The following BRIP1 variants were observed in gnomAD, a reference collection of about 807,000 sequenced individuals.
The protein encoded by BRIP1 is BRCA1 interacting DNA helicase 1, also known as Fanconi anemia group J protein.
A neutral mutation model predicts 119.7 loss-of-function variants in BRIP1; 88 were observed. The ratio of observed to expected loss-of-function variants is 0.74; its 90% CI spans 0.62 to 0.88. The LOEUF is 0.88. Ranked by LOEUF, BRIP1 falls within the 40% of genes least tolerant of loss-of-function variation. BRIP1 has a pLI of 0.00. For missense variants in BRIP1, 1,259 were observed against 1,455.4 expected (o/e 0.87, Z 2.20); for synonymous variants, 443 against 496.5 (o/e 0.89, Z 1.43).
rs2076822747 is a variant in BRIP1 at position 61,729,983 on chromosome 17, T to C, written c.2379+13030A>G. Among the ~76,000 whole-genome samples the C allele has an allele frequency of 6.6e-6, 1 of 152,196 alleles. No homozygotes were observed. The highest frequency in any genetic ancestry group is 2.1e-4 in the South Asian group (1 of 4,820). ...AGAATTACCCAGTCCAAAATGTCAATAGTGCCAAGTTTGAGAAACACAGCT... is the reference window on the plus strand; with the variant it reads ...AGAATTACCCAGTCCAAAATGTCAACAGTGCCAAGTTTGAGAAACACAGCT... On this transcript the variant is annotated intron_variant, in intron 16 of 19. Coordinates refer to ENST00000259008, the MANE Select transcript of BRIP1 (RefSeq NM_032043.3). This position sits in a 1 kb window ranked among gnomAD's most constrained non-coding sequence, Gnocchi z 5.6.
rs45459799 is a variant in BRIP1 at position 61,808,706 on chromosome 17, G to C, written c.679C>G (p.Gln227Glu). The change falls in exon 7 of 20, where the codon CAA becomes GAA. Residue 227 changes from glutamine (Q) to glutamate (E), a missense_variant. Physicochemically the swap from Gln to Glu is conservative, Grantham distance 29 (BLOSUM62 2). This residue lies in a region of BRIP1 where 501 missense variants were observed against 544.0 expected (regional missense o/e 0.92). Transcript: ENST00000259008. This position sits in a 1 kb window ranked among gnomAD's most constrained non-coding sequence, Gnocchi z 4.1. ...CCCSTKQGNSQESSNTIKKDH... is the reference protein window; with the variant it reads ...CCCSTKQGNSEESSNTIKKDH... ...TTCTTAATGGTATTCGATGACTCTT[G>C]ACTGTTTCCTTGTTTAGTAGAACAA... 4.9e-5 allele frequency: 79 copies of C among 1,613,734 alleles called. No individual in the cohort carries two copies. The highest frequency in any genetic ancestry group is 6.2e-5 in the Non-Finnish European group (73 of 1,179,920).
Position 61,729,143 on chromosome 17 carries a change from G to A in BRIP1, c.2380-13080C>T, listed in dbSNP as rs992998752. Among the ~76,000 whole-genome samples the A allele has an allele frequency of 6.6e-6, 1 of 151,954 alleles. No individual in the cohort carries two copies. The highest frequency in any genetic ancestry group is 2.4e-5 in the African/African-American group (1 of 41,350). On this transcript the variant is annotated intron_variant, in intron 16 of 19. Coordinates refer to ENST00000259008, the MANE Select transcript of BRIP1 (RefSeq NM_032043.3). The surrounding 1 kb of genome is among the most constrained non-coding windows in gnomAD (Gnocchi z 5.6). ...TAAAAATACAAATTAGCTGGGCGTG[G>A]TGGCGCATGCCTGTAATCCCAGCTA...
chr17:61,711,607 G>C (rs186882198), intron 17 of BRIP1, among the ~76,000 whole-genome samples: 2 of 152,060 alleles, frequency 1.3e-5, no homozygotes, highest in Non-Finnish European at 2.9e-5. Context: ...GGTGGCTCAC[G>C]CCTGTAATCT....
Position 61,683,543 on chromosome 17 carries a change from T to G in BRIP1, c.3503A>C (p.Lys1168Thr), listed in dbSNP as rs749589266. 1.9e-6 allele frequency: 3 copies of G among 1,613,320 alleles called. No homozygotes were observed. The highest frequency in any genetic ancestry group is 1.3e-5 in the African/African-American group (1 of 75,056). The change falls in exon 20 of 20, where the codon AAA (lysine) becomes ACA (threonine). Residue 1168 changes from lysine to threonine, a missense_variant. By Grantham distance (78) the Lys-to-Thr change is moderately conservative (BLOSUM62 -1). Around this residue, in one of 3 missense-constraint regions of BRIP1, gnomAD observed 753 missense variants for 891.8 expected, o/e 0.84. Coordinates refer to ENST00000259008, the MANE Select transcript of BRIP1 (RefSeq NM_032043.3). This position sits in a 1 kb window ranked among gnomAD's most constrained non-coding sequence, Gnocchi z 4.7. Reference sequence around the variant, plus strand: ...TATAGTTCTAATTTCAAAAAGGTCTTTAGCTAAAATGCAATCTGAATTGTT... The same window carrying G: ...TATAGTTCTAATTTCAAAAAGGTCTGTAGCTAAAATGCAATCTGAATTGTT... ...LANNSDCILA[K>T]DLFEIRTIKE...
rs1452426570 is a variant in BRIP1, at chr17:61,742,601, A to G, written c.2379+412T>C. On this transcript the variant is annotated intron_variant, in intron 16 of 19. Coordinates refer to ENST00000259008, the MANE Select transcript of BRIP1 (RefSeq NM_032043.3). The surrounding 1 kb of genome is among the most constrained non-coding windows in gnomAD (Gnocchi z 4.7). ...TATTGTTGTGTCTCAGGGAATGGAGAGTCCCAAGGAGAGAGAAATGGGGGA... is the reference window on the plus strand; with the variant it reads ...TATTGTTGTGTCTCAGGGAATGGAGGGTCCCAAGGAGAGAGAAATGGGGGA... 1.3e-5 allele frequency among the ~76,000 whole-genome samples: 2 copies of G among 152,160 alleles called. No homozygotes were observed. The highest frequency in any genetic ancestry group is 4.8e-5 in the African/African-American group (2 of 41,438).
In BRIP1 at chr17:61,739,262, A is replaced by G. The variant is rs2076957340; in HGVS notation, c.2379+3751T>C. 5.0e-6 allele frequency: 1 copy of G among 198,764 alleles called. No individual in the cohort carries two copies. Among genetic ancestry groups the G allele is most frequent in the Non-Finnish European group, 1.0e-5 (1 of 96,038 alleles). The allele number at this position is 198,764 out of a possible 1,614,324, so 12.3% of individuals were successfully genotyped here. ...GCACTCTACTTCAGTGGAATGCAGC[A>G]CCAATGCTGTTGATGGTGACAGTAG... is the stretch of plus-strand genomic sequence containing the variant. On this transcript the variant is annotated intron_variant, in intron 16 of 19. Coordinates refer to ENST00000259008, the MANE Select transcript of BRIP1 (RefSeq NM_032043.3). The surrounding 1 kb of genome is among the most constrained non-coding windows in gnomAD (Gnocchi z 6.0).
intron 6 of BRIP1, among the ~76,000 whole-genome samples, chr17:61,836,821 T>C (rs1219882031): frequency 6.6e-6 from 1 of 152,160 alleles, no homozygotes; most frequent in Non-Finnish European, 1.5e-5. Flanking sequence ...TGGTAATGCA[T>C]ATAATATGAC....
At chr17:61,839,803 A>C (rs974651048) in intron 6 of BRIP1, among the ~76,000 whole-genome samples, 9 of 152,230 alleles carry the variant, frequency 5.9e-5, no homozygotes, top group Non-Finnish European at 1.2e-4. Flanking sequence ...AAAGCCAAGG[A>C]AGAAAATATG....
At chr17:61,771,143 C>A (rs1298671514) in intron 14 of BRIP1, among the ~76,000 whole-genome samples, 1 of 152,134 alleles carries the variant, frequency 6.6e-6, no homozygotes, top group Non-Finnish European at 1.5e-5. Context: ...GGAAACATTA[C>A]ACTATGTGAA....
Position 61,755,976 on chromosome 17 carries a change from C to T in BRIP1, c.2098-11385G>A, listed in dbSNP as rs1042279917. ...GACTATGACACATTTCCACAGAACACAATGTGTTTTATTTTAATTTCTTCA... is the reference window on the plus strand; with the variant it reads ...GACTATGACACATTTCCACAGAACATAATGTGTTTTATTTTAATTTCTTCA... On this transcript the variant is annotated intron_variant, in intron 14 of 19. Coordinates refer to ENST00000259008, the MANE Select transcript of BRIP1 (RefSeq NM_032043.3). This position sits in a 1 kb window ranked among gnomAD's most constrained non-coding sequence, Gnocchi z 4.5. Among the ~76,000 whole-genome samples, 1 of 152,132 alleles carries T rather than the reference C, an allele frequency of 6.6e-6. No individual in the cohort carries two copies. The highest frequency in any genetic ancestry group is 1.5e-5 in the Non-Finnish European group (1 of 68,014).
In BRIP1 at chr17:61,806,098, G is replaced by C. The variant is rs529955262; in HGVS notation, c.918+2369C>G. ...AAAAATCAGAAAGTTTACACTTTAAGGGCAGTTAGAATGACACCCCTCTGC... is the reference window on the plus strand; with the variant it reads ...AAAAATCAGAAAGTTTACACTTTAACGGCAGTTAGAATGACACCCCTCTGC... On this transcript the variant is annotated intron_variant, in intron 7 of 19. Transcript: ENST00000259008. This position sits in a 1 kb window ranked among gnomAD's most constrained non-coding sequence, Gnocchi z 4.9. 1.3e-5 allele frequency among the ~76,000 whole-genome samples: 2 copies of C among 152,280 alleles called. No individual in the cohort carries two copies. Among genetic ancestry groups the C allele is most frequent in the African/African-American group, 4.8e-5 (2 of 41,552 alleles).
rs1377001607 is a variant in BRIP1 at position 61,816,025 on chromosome 17, G to C, written c.628-7268C>G. Among the ~76,000 whole-genome samples, 1 of 152,080 alleles carries C rather than the reference G, an allele frequency of 6.6e-6. No homozygotes were observed. Among genetic ancestry groups the C allele is most frequent in the Non-Finnish European group, 1.5e-5 (1 of 68,014 alleles). On this transcript the variant is annotated intron_variant, in intron 6 of 19. Transcript: ENST00000259008. This position sits in a 1 kb window ranked among gnomAD's most constrained non-coding sequence, Gnocchi z 5.0. ...TATTCTTTTTTTAAAAATTCAAACAGTAGTAGTACCCTACTGCCACCGTTT... is the reference window on the plus strand; with the variant it reads ...TATTCTTTTTTTAAAAATTCAAACACTAGTAGTACCCTACTGCCACCGTTT...
chr17:61,777,552 C>T (rs2077553583), intron 13 of BRIP1, among the ~76,000 whole-genome samples: 1 of 152,130 alleles, frequency 6.6e-6, no homozygotes, highest in Admixed American at 6.5e-5. Context: ...ATCGGGCATC[C>T]CACAACCCTC....
At position 61,846,113 on chromosome 17, in the gene BRIP1, C is replaced by T. The variant is rs1283550361; in HGVS notation, c.627+988G>A. 6.6e-6 allele frequency among the ~76,000 whole-genome samples: 1 copy of T among 151,720 alleles called. No individual in the cohort carries two copies. Among genetic ancestry groups the T allele is most frequent in the Admixed American group, 6.6e-5 (1 of 15,244 alleles). On this transcript the variant is annotated intron_variant, in intron 6 of 19. Transcript: ENST00000259008. The surrounding 1 kb of genome is among the most constrained non-coding windows in gnomAD (Gnocchi z 4.3). ...AGGAGAATGGCATGAACCCAGGAGG[C>T]GGAGCTTGCAGTGGGCGGAGATCAC...
At position 61,756,137 on chromosome 17, in the gene BRIP1, T is replaced by C. The variant is rs1025160694; in HGVS notation, c.2098-11546A>G. ...AAAATGGCCTACAGCAAATTTTCAGTTTCAGATAACAAAATATTTAGGTCT... is the reference window on the plus strand; with the variant it reads ...AAAATGGCCTACAGCAAATTTTCAGCTTCAGATAACAAAATATTTAGGTCT... On this transcript the variant is annotated intron_variant, in intron 14 of 19. Coordinates refer to ENST00000259008, the MANE Select transcript of BRIP1 (RefSeq NM_032043.3). The surrounding 1 kb of genome is among the most constrained non-coding windows in gnomAD (Gnocchi z 4.3). Among the ~76,000 whole-genome samples the C allele has an allele frequency of 2.0e-5, 3 of 152,188 alleles. No individual in the cohort carries two copies. Among genetic ancestry groups the C allele is most frequent in the African/African-American group, 7.2e-5 (3 of 41,448 alleles).
chr17:61,833,870 A>G (rs1368920812), intron 6 of BRIP1, among the ~76,000 whole-genome samples: 1 of 152,168 alleles, frequency 6.6e-6, no homozygotes, highest in Admixed American at 6.5e-5. Context: ...AAAAGGCCAG[A>G]GATTTTCCTG....
rs1797169220 is a variant in BRIP1, at chr17:61,680,822, A to T, written c.*2474T>A. 6.6e-6 allele frequency among the ~76,000 whole-genome samples: 1 copy of T among 152,194 alleles called. No individual in the cohort carries two copies. The highest frequency in any genetic ancestry group is 2.4e-5 in the African/African-American group (1 of 41,438). The stretch of plus-strand genomic sequence containing the variant: ...GTCCTCAAAATGTTTTAATTGTAGC[A>T]TTGCGAAAATAAATATCTAGCTTTC... On this transcript the variant is annotated 3_prime_UTR_variant, in exon 20 of 20. Coordinates refer to ENST00000259008, the MANE Select transcript of BRIP1 (RefSeq NM_032043.3).
Position 61,738,420 on chromosome 17 carries a change from A to G in BRIP1, c.2379+4593T>C, listed in dbSNP as rs996497738. ...TCCACTCTACTTGTACCTTTTGGGAACCACTAGGGATAACCCTTTAGAACC... is the reference window on the plus strand; with the variant it reads ...TCCACTCTACTTGTACCTTTTGGGAGCCACTAGGGATAACCCTTTAGAACC... On this transcript the variant is annotated intron_variant, in intron 16 of 19. Coordinates refer to ENST00000259008, the MANE Select transcript of BRIP1 (RefSeq NM_032043.3). The surrounding 1 kb of genome is among the most constrained non-coding windows in gnomAD (Gnocchi z 4.2). 6.6e-6 allele frequency among the ~76,000 whole-genome samples: 1 copy of G among 152,118 alleles called. No homozygotes were observed. The highest frequency in any genetic ancestry group is 2.4e-5 in the African/African-American group (1 of 41,412).
rs1475357272 is a variant in BRIP1 at position 61,805,531 on chromosome 17, G to A, written c.918+2936C>T. On this transcript the variant is annotated intron_variant, in intron 7 of 19. Coordinates refer to ENST00000259008, the MANE Select transcript of BRIP1 (RefSeq NM_032043.3). This position sits in a 1 kb window ranked among gnomAD's most constrained non-coding sequence, Gnocchi z 5.6. ...AATGGATGAGGAATCAGAAAATTTG[G>A]GTTCTGGTCCCTCCTTGCTAATTAC... Among the ~76,000 whole-genome samples the A allele has an allele frequency of 6.6e-6, 1 of 152,054 alleles. No homozygotes were observed. The highest frequency in any genetic ancestry group is 2.4e-5 in the African/African-American group (1 of 41,408).
Sources: allele counts gnomAD v4.1 joint callset (sites outside exome capture counted in the v4.1 genomes callset), GRCh38; gene constraint gnomAD v4.1.1; regional missense constraint gnomAD v4.1.1; non-coding constraint Gnocchi (gnomAD v3.1); transcripts MANE v1.5; gene names NCBI Gene and HGNC (gene_info 2026-07-23, HGNC 2026-07-21).